Variants in KLHL11 observed in about 807,000 individuals in gnomAD.
The protein encoded by KLHL11 is kelch-like protein 11.
Under a neutral mutation model 56.1 loss-of-function variants are expected in KLHL11, and 26 were observed. That is an observed-to-expected ratio of 0.46 (90% confidence interval 0.34 to 0.64). KLHL11 has a LOEUF of 0.64. Among genes scored for constraint, KLHL11 ranks in the 30% least tolerant of loss-of-function variants. The pLI, the probability that KLHL11 is intolerant of heterozygous loss-of-function variation, is 0.01. For missense variants in KLHL11, 627 were observed against 919.4 expected, an observed-to-expected ratio of 0.68 and a Z score of 4.11; for synonymous variants, 338 against 345.8, an observed-to-expected ratio of 0.98 and a Z score of 0.25.
intron 1 of KLHL11, 152 bp downstream of exon 1, chr17:41,864,674 C>G: frequency 1.2e-6 from 1 of 853,122 alleles, no homozygotes; most frequent in Non-Finnish European, 1.7e-6. Context: ...ACCGCGGTGG[C>G]TGCCCCCAAG....
At chr17:41,863,089 T>G (rs1318074664) in intron 1 of KLHL11, among the ~76,000 whole-genome samples, 1 of 151,914 alleles carries the variant, frequency 6.6e-6, no homozygotes, top group African/African-American at 2.4e-5. Context: ...TACTTCTCCC[T>G]CCTCAATCGA....
rs146198692 is a variant in KLHL11, at chr17:41,859,487, C to T, written c.546-4166G>A. On this transcript the variant is annotated intron_variant, in intron 1 of 1. Transcript: ENST00000319121. ...GGCTGAGGCAGGAGAATCGCTTGAA[C>T]CCGGGAGGTGGAGGTTGCAGTAAGC... Among the ~76,000 whole-genome samples the T allele has an allele frequency of 2.2e-3, 339 of 152,200 alleles. 5 individuals are homozygous for T. The East Asian group carries it at 0.023, about 10-fold the overall frequency.
At chr17:41,864,792 C>G in intron 1 of KLHL11, 34 bp downstream of exon 1, 7 of 1,483,704 alleles carry the variant, frequency 4.7e-6, no homozygotes, top group Non-Finnish European at 6.3e-6. Flanking sequence ...TCTCCGCGCC[C>G]GCCGCCCTCC....
chr17:41,861,140 C>T lies in KLHL11; in HGVS notation c.545+3686G>A, dbSNP rs563008334. ...TGACAGAAACTTTTCCCACAGGCTA[C>T]ATCCATTTTTTCTGACAGCTGCTGC... On this transcript the variant is annotated intron_variant, in intron 1 of 1. Coordinates refer to ENST00000319121, the MANE Select transcript of KLHL11 (RefSeq NM_018143.3). Among the ~76,000 whole-genome samples the T allele has an allele frequency of 3.7e-4, 57 of 152,298 alleles. 1 individual carries two copies. The highest frequency in any genetic ancestry group is 1.3e-3 in the African/African-American group (54 of 41,562).
rs782193160 is a variant in KLHL11 at position 41,854,719 on chromosome 17, T to C, written c.1148A>G (p.Asp383Gly). The C allele has an allele frequency of 1.9e-6, 3 of 1,614,054 alleles. No homozygotes were observed. Among genetic ancestry groups the C allele is most frequent in the African/African-American group, 1.3e-5 (1 of 74,936 alleles). Residue 383 changes from aspartate to glycine, a missense_variant, in exon 2 of 2, where the codon GAT (aspartate) becomes GGT (glycine). By Grantham distance (94) the Asp-to-Gly change is moderately conservative (BLOSUM62 -1). Around this residue, in one of 4 missense-constraint regions of KLHL11, gnomAD observed 106 missense variants for 227.0 expected, o/e 0.47. Transcript: ENST00000319121. The surrounding 1 kb of genome is among the most constrained non-coding windows in gnomAD (Gnocchi z 4.9). ...YLSECVGYFV[D>G]EDRWVNLPHI... The stretch of plus-strand genomic sequence containing the variant: ...TGGCAGATTTACCCATCTGTCCTCA[T>C]CAACAAAGTATCCCACACATTCACT...
chr17:41,853,627 T>A lies in KLHL11; in HGVS notation c.*113A>T, dbSNP rs922666870. 6.4e-6 allele frequency: 8 copies of A among 1,244,552 alleles called. No individual in the cohort carries two copies. In the African/African-American group the frequency reaches 1.1e-4, roughly 16 times the overall value. 77.1% of individuals were successfully genotyped at this position (1,244,552 alleles called of 1,614,324 possible). On this transcript the variant is annotated 3_prime_UTR_variant, in exon 2 of 2. Coordinates refer to ENST00000319121, the MANE Select transcript of KLHL11 (RefSeq NM_018143.3). ...ACTCTATTTCCTTTATATGGGGTAA[T>A]AATCAGTTCATGTAGAAAATAAGTT... is the stretch of plus-strand genomic sequence containing the variant.
rs377221118 is a variant in KLHL11 at position 41,852,392 on chromosome 17, C to T, written c.*1348G>A. ...TCAGGCAAAGTTTGAAAGTGTGGGGCAACTGGATAAAATATAACAATCAGA... is the reference window on the plus strand; with the variant it reads ...TCAGGCAAAGTTTGAAAGTGTGGGGTAACTGGATAAAATATAACAATCAGA... On this transcript the variant is annotated 3_prime_UTR_variant, in exon 2 of 2. Coordinates refer to ENST00000319121, the MANE Select transcript of KLHL11 (RefSeq NM_018143.3). Among the ~76,000 whole-genome samples, 2 of 151,940 alleles carry T rather than the reference C, an allele frequency of 1.3e-5. No individual in the cohort carries two copies. Among genetic ancestry groups the T allele is most frequent in the African/African-American group, 4.8e-5 (2 of 41,336 alleles).
Position 41,853,380 on chromosome 17 carries a change from G to A in KLHL11, c.*360C>T, listed in dbSNP as rs568215810. Among the ~76,000 whole-genome samples, 2 of 152,274 alleles carry A rather than the reference G, an allele frequency of 1.3e-5. No homozygotes were observed. The highest frequency in any genetic ancestry group is 3.9e-4 in the East Asian group (2 of 5,184). On this transcript the variant is annotated 3_prime_UTR_variant, in exon 2 of 2. Transcript: ENST00000319121. ...TGAAAAAGAATATCAAAGTAAATGT[G>A]CAAATAAAATTGGTGCTTAAAGCAT...
In KLHL11 at chr17:41,854,834, T is replaced by C. The variant is rs1420661086; in HGVS notation, c.1033A>G (p.Thr345Ala). The part of the protein sequence containing the change: ...NIQSGTCQHP[T>A]SHVSLLPRYG... The stretch of plus-strand genomic sequence containing the variant: ...CGAGGCAATAGTGACACATGAGAAG[T>C]GGGGTGCTGGCATGTGCCAGATTGT... Residue 345 changes from threonine (T) to alanine (A), a missense_variant, in exon 2 of 2, where the codon ACT (threonine) becomes GCT (alanine). Around this residue, in one of 4 missense-constraint regions of KLHL11, gnomAD observed 106 missense variants for 227.0 expected, o/e 0.47. Coordinates refer to ENST00000319121, the MANE Select transcript of KLHL11 (RefSeq NM_018143.3). The surrounding 1 kb of genome is among the most constrained non-coding windows in gnomAD (Gnocchi z 4.9). The C allele has an allele frequency of 2.5e-6, 4 of 1,613,946 alleles. No individual in the cohort carries two copies. The highest frequency in any genetic ancestry group is 3.4e-6 in the Non-Finnish European group (4 of 1,180,032).
chr17:41,864,849 G>A lies in KLHL11; in HGVS notation c.522C>T (p.His174=). The A allele has an allele frequency of 6.5e-7, 1 of 1,545,318 alleles. No individual in the cohort carries two copies. Among genetic ancestry groups the A allele is most frequent in the Non-Finnish European group, 8.8e-7 (1 of 1,141,896 alleles). ...ACCTGTCGGCCAACTCCAGCACCTC[G>A]TGCACGCTGCCCGTGCTGACGCGGA... ...GRIRVSTGSV[H]EVLELADRFL... is the part of the protein sequence containing the mutation. Residue 174 remains histidine, a synonymous_variant, in exon 1 of 2, where the codon CAC becomes CAT. Coordinates refer to ENST00000319121, the MANE Select transcript of KLHL11 (RefSeq NM_018143.3).
rs2048344052 is a variant in KLHL11 at position 41,853,621 on chromosome 17, G to A, written c.*119C>T. The A allele has an allele frequency of 8.6e-7, 1 of 1,158,712 alleles. No homozygotes were observed. The highest frequency in any genetic ancestry group is 2.6e-5 in the Admixed American group (1 of 39,170). The allele number at this position is 1,158,712 out of a possible 1,614,324, so 71.8% of individuals were successfully genotyped here. On this transcript the variant is annotated 3_prime_UTR_variant, in exon 2 of 2. Transcript: ENST00000319121. ...TTTTTAACTCTATTTCCTTTATATGGGGTAATAATCAGTTCATGTAGAAAA... is the reference window on the plus strand; with the variant it reads ...TTTTTAACTCTATTTCCTTTATATGAGGTAATAATCAGTTCATGTAGAAAA...
At chr17:41,858,410 TGTTGTTGTTGTTG>T (rs1279594818) in intron 1 of KLHL11, among the ~76,000 whole-genome samples, 8 of 61,942 alleles carry the variant, frequency 1.3e-4, no homozygotes, top group East Asian at 7.3e-4. Flanking sequence ...ATATATTTTT[TGTTGTTGTTGTTG>T]TTGTTGTTGT....
rs1046675185 is a variant in KLHL11, at chr17:41,848,550, T to A, written c.*5190A>T. ...AAATATGTTTATTTAAAACTTACACTGAGACAATTAGTAGCTTTAACAGAG... is the reference window on the plus strand; with the variant it reads ...AAATATGTTTATTTAAAACTTACACAGAGACAATTAGTAGCTTTAACAGAG... On this transcript the variant is annotated 3_prime_UTR_variant, in exon 2 of 2. Transcript: ENST00000319121. The A allele has an allele frequency of 4.6e-6, 2 of 438,360 alleles. No individual in the cohort carries two copies. Among genetic ancestry groups the A allele is most frequent in the Admixed American group, 8.0e-5 (2 of 25,012 alleles). The allele number at this position is 438,360 out of a possible 1,614,324, so 27.2% of individuals were successfully genotyped here.
At position 41,855,003 on chromosome 17, in the gene KLHL11, A is replaced by C; in HGVS notation, c.864T>G (p.Leu288=). The C allele has an allele frequency of 6.2e-7, 1 of 1,614,132 alleles. No individual in the cohort carries two copies. Among genetic ancestry groups the C allele is most frequent in the Non-Finnish European group, 8.5e-7 (1 of 1,180,044 alleles). The change falls in exon 2 of 2, where the codon CTT becomes CTG. Residue 288 remains leucine (L), a synonymous_variant. Coordinates refer to ENST00000319121, the MANE Select transcript of KLHL11 (RefSeq NM_018143.3). ...AEERERYFEE[L]FKLLRLSQMK... is the part of the protein sequence containing the mutation. ...TCTGGGACAACCTGAGCAATTTAAA[A>C]AGTTCTTCAAAGTATCTCTCTCTCT...
Position 41,849,844 on chromosome 17 carries a change from G to T in KLHL11, c.*3896C>A, listed in dbSNP as rs2144146608. 1 of 152,140 alleles carries T rather than the reference G, an allele frequency of 6.6e-6. No individual in the cohort carries two copies. The highest frequency in any genetic ancestry group is 2.4e-5 in the African/African-American group (1 of 41,492). 9.4% of individuals were successfully genotyped at this position (152,140 alleles called of 1,614,324 possible). ...CCATGGTGGGGTAGATATAGTTCAA[G>T]GATACCCATTCTAAGATATAAGTAG... On this transcript the variant is annotated 3_prime_UTR_variant, in exon 2 of 2. Transcript: ENST00000319121.
At chr17:41,857,207 TA>T (rs1419024985) in intron 1 of KLHL11, among the ~76,000 whole-genome samples, 1 of 148,614 alleles carries the variant, frequency 6.7e-6, no homozygotes, top group Non-Finnish European at 1.5e-5. Context: ...ACTGTCTCTT[TA>T]AAAAAAAGCG....
rs199666907 is a variant in KLHL11, at chr17:41,851,917, CAA to C, written c.*1821_*1822del. Among the ~76,000 whole-genome samples, 22 of 120,132 alleles carry C rather than the reference CAA, an allele frequency of 1.8e-4. No individual in the cohort carries two copies. The highest frequency in any genetic ancestry group is 2.8e-4 in the African/African-American group (9 of 32,100). 78.8% of individuals were successfully genotyped at this position (120,132 alleles called of 152,430 possible). A position where few individuals can be genotyped will look rare whatever the true frequency, so the allele number is the denominator to read the frequency against. On this transcript the variant is annotated 3_prime_UTR_variant, in exon 2 of 2. Transcript: ENST00000319121. ...CAAAGTGGGACCCCATCCCCTGGCCCAAAAAAAAAAAAAAGTCAATTTGAGTG... is the reference window on the plus strand; with the variant it reads ...CAAAGTGGGACCCCATCCCCTGGCCCAAAAAAAAAAAAGTCAATTTGAGTG...
At chr17:41,857,461 C>T (rs1185289431) in intron 1 of KLHL11, among the ~76,000 whole-genome samples, 2 of 147,472 alleles carry the variant, frequency 1.4e-5, no homozygotes, top group East Asian at 2.0e-4. Flanking sequence ...GAGCCAGGAT[C>T]GCACCACTGT....
At position 41,853,846 on chromosome 17, in the gene KLHL11, A is replaced by G. The variant is rs2144151644; in HGVS notation, c.2021T>C (p.Met674Thr). The G allele has an allele frequency of 6.2e-7, 1 of 1,614,198 alleles. No homozygotes were observed. Among genetic ancestry groups the G allele is most frequent in the Non-Finnish European group, 8.5e-7 (1 of 1,180,036 alleles). Residue 674 changes from methionine to threonine, a missense_variant, in exon 2 of 2, where the codon ATG (methionine) becomes ACG (threonine). By Grantham distance (81) the Met-to-Thr change is moderately conservative. Coordinates refer to ENST00000319121, the MANE Select transcript of KLHL11 (RefSeq NM_018143.3). The part of the protein sequence containing the change: ...RYLHGTQRYP[M>T]PQNLMWQKDR... Reference sequence around the variant, plus strand: ...CTTCTGCCACATCAGGTTTTGAGGCATAGGGTATCTCTGTGTGCCATGCAA... The same window carrying G: ...CTTCTGCCACATCAGGTTTTGAGGCGTAGGGTATCTCTGTGTGCCATGCAA...
Sources: allele counts gnomAD v4.1 joint callset (sites outside exome capture counted in the v4.1 genomes callset), GRCh38; gene constraint gnomAD v4.1.1; regional missense constraint gnomAD v4.1.1; non-coding constraint Gnocchi (gnomAD v3.1); transcripts MANE v1.5; gene names NCBI Gene and HGNC (gene_info 2026-07-23, HGNC 2026-07-21).